EDEM3: variants seen among roughly 807,000 people sequenced by gnomAD.
EDEM3 encodes ER degradation enhancing alpha-mannosidase like protein 3.
Under a neutral mutation model 110.2 loss-of-function variants are expected in EDEM3, and 60 were observed. The ratio of observed to expected loss-of-function variants is 0.54; its 90% CI spans 0.44 to 0.67. The LOEUF is 0.67. Ranked by LOEUF, EDEM3 falls within the 30% of genes least tolerant of loss-of-function variation. The pLI, the probability that EDEM3 is intolerant of heterozygous loss-of-function variation, is 0.00. For missense variants in EDEM3, 996 were observed against 1,121.0 expected, an observed-to-expected ratio of 0.89 and a Z score of 1.59; for synonymous variants, 352 against 382.9, an observed-to-expected ratio of 0.92 and a Z score of 0.94.
Position 184,693,088 on chromosome 1 carries a change from T to C in EDEM3, c.*975A>G, listed in dbSNP as rs1402558282. 1 of 154,910 alleles carries C rather than the reference T, an allele frequency of 6.5e-6. No homozygotes were observed. Among genetic ancestry groups the C allele is most frequent in the African/African-American group, 2.4e-5 (1 of 41,508 alleles). 9.6% of individuals were successfully genotyped at this position (154,910 alleles called of 1,614,324 possible). A position where few individuals can be genotyped will look rare whatever the true frequency, so the allele number is the denominator to read the frequency against. ...AGACAGAAAAATGGAACAAAATGTA[T>C]ATAGCTGTTGGCGATACGAGCCTTG... On this transcript the variant is annotated 3_prime_UTR_variant, in exon 20 of 20. Transcript: ENST00000318130.
chr1:184,754,699 T>G lies in EDEM3; in HGVS notation c.-53A>C. 1 of 1,477,166 alleles carries G rather than the reference T, an allele frequency of 6.8e-7. No individual in the cohort carries two copies. Among genetic ancestry groups the G allele is most frequent in the Non-Finnish European group, 9.0e-7 (1 of 1,117,166 alleles). 91.5% of individuals were successfully genotyped at this position (1,477,166 alleles called of 1,614,324 possible). A position where few individuals can be genotyped will look rare whatever the true frequency, so the allele number is the denominator to read the frequency against. ...TGCTACGCCCGGCCGGTGAGACACA[T>G]TGCTGGACGCTGGTGGCCAGGGGGC... On this transcript the variant is annotated 5_prime_UTR_variant, in exon 1 of 20. It removes an upstream start codon present in the reference 5' UTR. Transcript: ENST00000318130.
intron 1 of EDEM3, 81 bp downstream of exon 1, chr1:184,754,408 C>G: frequency 1.3e-6 from 2 of 1,588,136 alleles, no homozygotes; most frequent in Non-Finnish European, 1.7e-6. Flanking sequence ...GAGGCCACTA[C>G]GCGACCGGGT....
intron 19 of EDEM3, among the ~76,000 whole-genome samples, chr1:184,698,892 CA>C (rs1649465266): frequency 6.6e-6 from 1 of 151,654 alleles, no homozygotes; most frequent in African/African-American, 2.4e-5. Context: ...GAAATAAAAG[CA>C]ACAATCAGGA....
At chr1:184,738,558 G>C (rs977148054) in intron 2 of EDEM3, among the ~76,000 whole-genome samples, 1 of 152,202 alleles carries the variant, frequency 6.6e-6, no homozygotes, top group East Asian at 1.9e-4. Context: ...AGACCCATTA[G>C]GGTCAAAGGT....
chr1:184,738,318 T>C (rs1651945635), intron 2 of EDEM3, among the ~76,000 whole-genome samples: 3 of 152,126 alleles, frequency 2.0e-5, no homozygotes, highest in Non-Finnish European at 4.4e-5. Context: ...CCAGAGAAGT[T>C]AAGTAAGCCT....
chr1:184,726,093 C>G (rs532280686), intron 7 of EDEM3, among the ~76,000 whole-genome samples, 162 bp downstream of exon 7: 3 of 152,238 alleles, frequency 2.0e-5, no homozygotes, highest in African/African-American at 7.2e-5. Flanking sequence ...TCACAATGTT[C>G]TAGGTTTTTG....
chr1:184,737,237 C>T (rs1651879620), intron 3 of EDEM3, among the ~76,000 whole-genome samples, 173 bp from the exon 4 acceptor site: 2 of 152,168 alleles, frequency 1.3e-5, no homozygotes, highest in South Asian at 4.1e-4. Flanking sequence ...AAAGCCTTTA[C>T]ATTTATGTTC....
chr1:184,727,633 C>G (rs1651262515), intron 6 of EDEM3, among the ~76,000 whole-genome samples: 1 of 152,082 alleles, frequency 6.6e-6, no homozygotes, highest in African/African-American at 2.4e-5. Flanking sequence ...AAAAAAACAA[C>G]AAATGTAAAA....
chr1:184,751,177 T>C (rs1317614452), intron 1 of EDEM3, among the ~76,000 whole-genome samples: 2 of 150,714 alleles, frequency 1.3e-5, no homozygotes, highest in South Asian at 2.1e-4. Flanking sequence ...TATGTTTATA[T>C]ATATATAATT....
At position 184,703,609 on chromosome 1, in the gene EDEM3, T is replaced by C. The variant is rs538727347; in HGVS notation, c.2204-613A>G. Among the ~76,000 whole-genome samples the C allele has an allele frequency of 3.0e-4, 45 of 152,368 alleles. No individual in the cohort carries two copies. The South Asian group carries it at 7.9e-3, about 27-fold the overall frequency. On this transcript the variant is annotated intron_variant, in intron 18 of 19. Coordinates refer to ENST00000318130, the MANE Select transcript of EDEM3 (RefSeq NM_025191.4). ...ATAGTAGTAGAACTATTAATAGTAG[T>C]AGTACCAGCAACATGCTGTTTTACT... is the stretch of plus-strand genomic sequence containing the variant.
At chr1:184,716,350 G>A (rs1382820946) in intron 13 of EDEM3, among the ~76,000 whole-genome samples, 2 of 152,284 alleles carry the variant, frequency 1.3e-5, no homozygotes, top group South Asian at 2.1e-4. Flanking sequence ...GAGAATGCTT[G>A]TGAATTTCAT....
chr1:184,725,175 A>T (rs896664704), intron 7 of EDEM3, among the ~76,000 whole-genome samples: 2 of 149,770 alleles, frequency 1.3e-5, no homozygotes, highest in Admixed American at 6.7e-5. Context: ...GTATTCAAGA[A>T]TTTTTTTTTT....
intron 19 of EDEM3, chr1:184,701,435 TAC>T: frequency 9.5e-7 from 1 of 1,055,724 alleles, no homozygotes; most frequent in Non-Finnish European, 1.2e-6. Flanking sequence ...TGAGTGTGTG[TAC>T]ACACACCCAA....
At chr1:184,737,524 A>G in intron 3 of EDEM3, 87 bp downstream of exon 3, 1 of 1,257,270 alleles carries the variant, frequency 8.0e-7, no homozygotes, top group Non-Finnish European at 1.1e-6. Flanking sequence ...GCCAATCCCT[A>G]GAAATATTAT....
chr1:184,749,654 T>G (rs1652644518), intron 1 of EDEM3, 62 bp from the exon 2 acceptor site: 1 of 1,328,536 alleles, frequency 7.5e-7, no homozygotes, highest in African/African-American at 1.5e-5. Flanking sequence ...TTCTATTTAT[T>G]ATCTTTCAAA....
chr1:184,713,806 T>G (rs1650394939), intron 13 of EDEM3, among the ~76,000 whole-genome samples: 1 of 152,228 alleles, frequency 6.6e-6, no homozygotes, highest in African/African-American at 2.4e-5. Flanking sequence ...TTCAGTTTAT[T>G]CTTCTGTAAA....
chr1:184,724,990 T>C (rs1651111209), intron 7 of EDEM3, among the ~76,000 whole-genome samples: 3 of 152,180 alleles, frequency 2.0e-5, no homozygotes, highest in Admixed American at 1.3e-4. Context: ...ACTCTGTCAC[T>C]GTAGCACCAA....
At chr1:184,742,096 A>C (rs1440445097) in intron 2 of EDEM3, among the ~76,000 whole-genome samples, 2 of 152,186 alleles carry the variant, frequency 1.3e-5, no homozygotes, top group African/African-American at 2.4e-5. Flanking sequence ...CTCATAGCAA[A>C]TTAGCAGCAG....
intron 14 of EDEM3, 25 bp downstream of exon 14, chr1:184,712,405 GAAT>G (rs779756738): frequency 6.4e-7 from 1 of 1,563,018 alleles, no homozygotes; most frequent in Middle Eastern, 1.8e-4. Flanking sequence ...ATAAAAAAGA[GAAT>G]AAGACATTTC....
Sources: gnomAD v4.1 joint callset for allele counts (sites outside exome capture counted in the v4.1 genomes callset) on GRCh38, gnomAD v4.1.1 for gene constraint, MANE v1.5 for transcripts, NCBI Gene and HGNC (gene_info 2026-07-23, HGNC 2026-07-21) for gene names.